Variants in TBC1D4 observed in about 807,000 individuals in gnomAD.
TBC1D4 encodes the protein TBC1 domain family member 4, also known as TBC (Tre-2, BUB2, CDC16) domain-containing protein.
Under a neutral mutation model 142.5 loss-of-function variants are expected in TBC1D4, and 121 were observed. The ratio of observed to expected loss-of-function variants is 0.85; its 90% CI spans 0.73 to 0.99. TBC1D4 has a LOEUF of 0.99. Ranked by LOEUF, TBC1D4 falls within the 50% of genes least tolerant of loss-of-function variation. The probability of loss-of-function intolerance (pLI) is 0.00; values close to 1 mark genes in which losing one functional copy is unlikely to be tolerated. For missense variants in TBC1D4, 1,475 were observed against 1,606.6 expected (o/e 0.92, Z 1.40); for synonymous variants, 630 against 628.2 (o/e 1.00, Z -0.04).
chr13:75,459,935 G>A (rs934473110), intron 1 of TBC1D4, among the ~76,000 whole-genome samples: 2 of 152,178 alleles, frequency 1.3e-5, no homozygotes, highest in Non-Finnish European at 2.9e-5. Flanking sequence ...GAGGTCAGGA[G>A]ATCAAGACCA....
At chr13:75,342,257 A>G (rs1238729639) in intron 5 of TBC1D4, among the ~76,000 whole-genome samples, 1 of 152,018 alleles carries the variant, frequency 6.6e-6, no homozygotes, top group Non-Finnish European at 1.5e-5. Flanking sequence ...GCACAACCAG[A>G]TACCACTTTA....
At chr13:75,427,906 T>C (rs1382563082) in intron 1 of TBC1D4, among the ~76,000 whole-genome samples, 3 of 152,228 alleles carry the variant, frequency 2.0e-5, no homozygotes, top group Non-Finnish European at 4.4e-5. Context: ...TTGTGAACTA[T>C]ACATGATGGA....
chr13:75,339,376 A>T (rs1246205903), intron 7 of TBC1D4, among the ~76,000 whole-genome samples: 1 of 152,008 alleles, frequency 6.6e-6, no homozygotes, highest in Non-Finnish European at 1.5e-5. Flanking sequence ...TGTGGTGCAA[A>T]TCTGATCTTC....
chr13:75,479,650 C>A (rs972377674), intron 1 of TBC1D4, among the ~76,000 whole-genome samples: 1 of 151,250 alleles, frequency 6.6e-6, no homozygotes, highest in African/African-American at 2.4e-5. Context: ...TCCTTAAAGT[C>A]CTGGAAAAAT....
intron 2 of TBC1D4, among the ~76,000 whole-genome samples, chr13:75,360,836 C>A (rs970815572): frequency 6.6e-6 from 1 of 152,090 alleles, no homozygotes; most frequent in African/African-American, 2.4e-5. Context: ...ATTTGGGATG[C>A]TTTTTCTATA....
At chr13:75,339,581 A>G (rs1880504074) in intron 7 of TBC1D4, among the ~76,000 whole-genome samples, 2 of 136,420 alleles carry the variant, frequency 1.5e-5, no homozygotes, top group Admixed American at 1.5e-4. Context: ...CTTTGTGCTC[A>G]ATGTTCTTTT....
chr13:75,482,026 CCTT>C lies in TBC1D4; in HGVS notation c.-262_-260del, dbSNP rs200965569. 7.4e-6 allele frequency: 3 copies of C among 404,082 alleles called. No individual in the cohort carries two copies. Among genetic ancestry groups the C allele is most frequent in the Admixed American group, 9.2e-5 (2 of 21,662 alleles). 25.0% of individuals were successfully genotyped at this position (404,082 alleles called of 1,614,324 possible). ...GGGCGGGTTAAATGGGCATCCTCCT[CCTT>C]GGGCTGGCGCCTCGGGCAGGACCTC... On this transcript the variant is annotated 5_prime_UTR_variant, in exon 1 of 21. Coordinates refer to ENST00000377636, the MANE Select transcript of TBC1D4 (RefSeq NM_014832.5).
intron 1 of TBC1D4, among the ~76,000 whole-genome samples, chr13:75,381,521 G>A (rs748248250): frequency 1.3e-5 from 2 of 152,174 alleles, no homozygotes; most frequent in African/African-American, 4.8e-5. Context: ...TCAAACTGTT[G>A]CTTCAACTTT....
At position 75,374,592 on chromosome 13, in the gene TBC1D4, G is replaced by C. The variant is rs750812118; in HGVS notation, c.499-11985C>G. Among the ~76,000 whole-genome samples the C allele has an allele frequency of 1.1e-3, 169 of 152,076 alleles. 3 individuals are homozygous for C. The highest frequency in any genetic ancestry group is 3.5e-4 in the Non-Finnish European group (24 of 68,024). On this transcript the variant is annotated intron_variant, in intron 1 of 20. Transcript: ENST00000377636. ...ATAATCAATGAGACTGAAGATCAAA[G>C]AAAATAAGGAAATCTGTTCAGTGGT...
rs948332774 is a variant in TBC1D4, at chr13:75,284,682, G to A, written c.*2110C>T. The A allele has an allele frequency of 6.6e-6, 1 of 152,200 alleles. No homozygotes were observed. 9.4% of individuals were successfully genotyped at this position (152,200 alleles called of 1,614,324 possible). ...AACAGTATACGTCAAGAAAGCTGCA[G>A]CAATATATTTATTGCAAAGGAACTA... On this transcript the variant is annotated 3_prime_UTR_variant, in exon 21 of 21. Transcript: ENST00000377636.
chr13:75,411,505 T>A (rs938757577), intron 1 of TBC1D4, among the ~76,000 whole-genome samples: 2 of 152,034 alleles, frequency 1.3e-5, no homozygotes, highest in Admixed American at 6.5e-5. Context: ...ATTTATAGAG[T>A]TAAGCAACTA....
intron 1 of TBC1D4, among the ~76,000 whole-genome samples, chr13:75,441,758 C>A (rs1384572440): frequency 6.6e-6 from 1 of 152,200 alleles, no homozygotes; most frequent in African/African-American, 2.4e-5. Flanking sequence ...CTTCAGCCTT[C>A]CCCAGTCCTG....
chr13:75,312,423 AAAAAG>A lies in TBC1D4; in HGVS notation c.2383+310_2383+314del, dbSNP rs1164679200. On this transcript the variant is annotated intron_variant, in intron 13 of 20. Coordinates refer to ENST00000377636, the MANE Select transcript of TBC1D4 (RefSeq NM_014832.5). ...GCAAGGCCCAATCTCTGGGAAAAAA[AAAAAG>A]AAAGAAAGAAAGAAAGAAAGAAAAA... 4.1e-5 allele frequency among the ~76,000 whole-genome samples: 6 copies of A among 145,844 alleles called. No individual in the cohort carries two copies. The South Asian group carries it at 7.4e-4, about 18-fold the overall frequency.
intron 1 of TBC1D4, among the ~76,000 whole-genome samples, chr13:75,453,723 G>T (rs944978581): frequency 6.6e-6 from 1 of 152,014 alleles, no homozygotes; most frequent in African/African-American, 2.4e-5. Flanking sequence ...TTAGCCAGGG[G>T]TGGTGGCATG....
intron 1 of TBC1D4, among the ~76,000 whole-genome samples, chr13:75,464,662 C>T (rs536945177): frequency 5.3e-5 from 8 of 152,280 alleles, no homozygotes; most frequent in Non-Finnish European, 8.8e-5. Context: ...TCTTCACAAC[C>T]GGGCTGGTCT....
intron 1 of TBC1D4, among the ~76,000 whole-genome samples, chr13:75,405,041 C>T (rs900820866): frequency 6.6e-6 from 1 of 152,132 alleles, no homozygotes; most frequent in African/African-American, 2.4e-5. Flanking sequence ...GCAGTTTCCC[C>T]TGACATCTTT....
chr13:75,325,302 C>T (rs189581963), intron 10 of TBC1D4, among the ~76,000 whole-genome samples: 19 of 151,888 alleles, frequency 1.3e-4, no homozygotes, highest in East Asian at 3.8e-4. Context: ...TTTTAAATTT[C>T]GAGTCATTCA....
intron 1 of TBC1D4, among the ~76,000 whole-genome samples, chr13:75,475,803 A>C (rs753050998): frequency 8.5e-5 from 13 of 152,250 alleles, no homozygotes; most frequent in African/African-American, 1.2e-4. Context: ...ATCTGAAATT[A>C]GGATATATGG....
rs1878615152 is a variant in TBC1D4 at position 75,319,961 on chromosome 13, T to C, written c.2222+53A>G. The stretch of plus-strand genomic sequence containing the variant: ...TTTTTAAACTAAGGATGATGTTCAG[T>C]TGGAAGAATCTGTGAATTTTTTTTA... On this transcript the variant is annotated intron_variant, in intron 12 of 20. Transcript: ENST00000377636. 2.5e-6 allele frequency: 4 copies of C among 1,589,550 alleles called. No individual in the cohort carries two copies. The East Asian group carries it at 6.8e-5, about 27-fold the overall frequency.
Sources: gnomAD v4.1 joint callset for allele counts (sites outside exome capture counted in the v4.1 genomes callset) on GRCh38, gnomAD v4.1.1 for gene constraint, MANE v1.5 for transcripts, NCBI Gene and HGNC (gene_info 2026-07-23, HGNC 2026-07-21) for gene names.